Variants in CAMTA1 observed in about 807,000 individuals in gnomAD.
The protein encoded by CAMTA1 is calmodulin binding transcription activator 1.
Under a neutral mutation model 170.9 loss-of-function variants are expected in CAMTA1, and 27 were observed. The observed-to-expected ratio is 0.16, with a 90% CI of 0.12 to 0.22. The LOEUF (loss-of-function observed/expected upper bound fraction) is 0.22. Ranked by LOEUF, CAMTA1 falls within the 10% of genes least tolerant of loss-of-function variation. The pLI is 1.00. For missense variants in CAMTA1, 1,619 were observed against 2,217.2 expected (o/e 0.73, Z 5.42); for synonymous variants, 833 against 891.5 (o/e 0.93, Z 1.17).
chr1:7,499,288 G>A (rs1463578464), intron 6 of CAMTA1, among the ~76,000 whole-genome samples: 1 of 123,792 alleles, frequency 8.1e-6, no homozygotes, highest in African/African-American at 3.5e-5. Context: ...TGTGAGCCTG[G>A]TGTGCGTGTG....
chr1:7,145,004 C>T (rs1408041889), intron 4 of CAMTA1, among the ~76,000 whole-genome samples: 4 of 152,240 alleles, frequency 2.6e-5, no homozygotes, highest in Admixed American at 6.5e-5. Flanking sequence ...GACCTGGATT[C>T]GCTTTCTTCT....
At position 7,197,003 on chromosome 1, in the gene CAMTA1, CA is replaced by C. The variant is rs564255251; in HGVS notation, c.303-52487del. On this transcript the variant is annotated intron_variant, in intron 4 of 22. Coordinates refer to ENST00000303635, the MANE Select transcript of CAMTA1 (RefSeq NM_015215.4). Reference sequence around the variant, plus strand: ...AGAACTTTTATGATCTAACGTTAGTCATTTTTTTTCTAATTAAGAATTTTTA... The same window carrying C: ...AGAACTTTTATGATCTAACGTTAGTCTTTTTTTTCTAATTAAGAATTTTTA... Among the ~76,000 whole-genome samples the C allele has an allele frequency of 3.9e-5, 6 of 152,278 alleles. No individual in the cohort carries two copies. In the South Asian group the frequency reaches 1.0e-3, roughly 26 times the overall value.
intron 5 of CAMTA1, among the ~76,000 whole-genome samples, chr1:7,366,094 C>T (rs2085947014): frequency 6.6e-6 from 1 of 152,228 alleles, no homozygotes; most frequent in Non-Finnish European, 1.5e-5. Flanking sequence ...GTACTTGGCA[C>T]AGGGACTGGC....
chr1:7,145,512 G>A, intron 4 of CAMTA1, among the ~76,000 whole-genome samples: 1 of 152,200 alleles, frequency 6.6e-6, no homozygotes, highest in East Asian at 1.9e-4. Flanking sequence ...TACCAGAGAA[G>A]CCACTGGGCT....
At chr1:7,090,780 C>T (rs923933854) in intron 3 of CAMTA1, among the ~76,000 whole-genome samples, 2 of 152,128 alleles carry the variant, frequency 1.3e-5, no homozygotes, top group Non-Finnish European at 2.9e-5. Flanking sequence ...TAACTTATTT[C>T]TCCCCGTTTC....
chr1:7,748,111 C>A lies in CAMTA1; in HGVS notation c.4689+330C>A, dbSNP rs2096870213. On this transcript the variant is annotated intron_variant, in intron 19 of 22. Transcript: ENST00000303635. The surrounding 1 kb of genome is among the most constrained non-coding windows in gnomAD (Gnocchi z 4.7). ...TAGTTTTAGTAGAGTCGGGGTTTCACCATGTTGCCAGGCTGGTCTTGAACT... is the reference window on the plus strand; with the variant it reads ...TAGTTTTAGTAGAGTCGGGGTTTCAACATGTTGCCAGGCTGGTCTTGAACT... Among the ~76,000 whole-genome samples, 1 of 151,942 alleles carries A rather than the reference C, an allele frequency of 6.6e-6. No homozygotes were observed.
Position 7,144,104 on chromosome 1 carries a change from C to T in CAMTA1, c.302+52733C>T, listed in dbSNP as rs1646042506. On this transcript the variant is annotated intron_variant, in intron 4 of 22. Transcript: ENST00000303635. This position sits in a 1 kb window ranked among gnomAD's most constrained non-coding sequence, Gnocchi z 4.0. ...CAGACTGGGTGGCTTAAACAACAGA[C>T]ATTTATTTTCTTATGTTCTGGAGGC... Among the ~76,000 whole-genome samples the T allele has an allele frequency of 6.6e-6, 1 of 152,142 alleles. No individual in the cohort carries two copies. Among genetic ancestry groups the T allele is most frequent in the Non-Finnish European group, 1.5e-5 (1 of 68,036 alleles).
chr1:7,486,396 C>A (rs1422281485), intron 6 of CAMTA1, among the ~76,000 whole-genome samples: 1 of 152,214 alleles, frequency 6.6e-6, no homozygotes, highest in African/African-American at 2.4e-5. Flanking sequence ...CTCCAACAAC[C>A]CAGTCTTGTA....
At chr1:7,759,577 G>T (rs1487475070) in intron 22 of CAMTA1, among the ~76,000 whole-genome samples, 1 of 152,034 alleles carries the variant, frequency 6.6e-6, no homozygotes, top group Non-Finnish European at 1.5e-5. Flanking sequence ...GAGAACTTTT[G>T]TTCTACACAA....
At chr1:6,902,072 C>CACAAAAA (rs3986505) in intron 3 of CAMTA1, among the ~76,000 whole-genome samples, 134 of 88,438 alleles carry the variant, frequency 1.5e-3, no homozygotes, top group African/African-American at 3.1e-3. Context: ...CACACACACA[C>CACAAAAA]AAAAAAAAAA....
chr1:7,193,298 G>T (rs991507831), intron 4 of CAMTA1, among the ~76,000 whole-genome samples: 13 of 151,398 alleles, frequency 8.6e-5, no homozygotes, highest in African/African-American at 3.2e-4. Context: ...GCTGCAGTGA[G>T]CCGAGATTGC....
rs1300259144 is a variant in CAMTA1, at chr1:6,927,276, G to A, written c.234+102066G>A. On this transcript the variant is annotated intron_variant, in intron 3 of 22. Coordinates refer to ENST00000303635, the MANE Select transcript of CAMTA1 (RefSeq NM_015215.4). ...GATCTTGAACTGGCCTCAAGCAATC[G>A]ACCACGTCAGCCTCCCAACGCGCTG... Among the ~76,000 whole-genome samples, 9 of 152,118 alleles carry A rather than the reference G, an allele frequency of 5.9e-5. No individual in the cohort carries two copies. The South Asian group carries it at 6.2e-4, about 11-fold the overall frequency.
intron 5 of CAMTA1, among the ~76,000 whole-genome samples, chr1:7,289,509 G>A (rs975484855): frequency 3.9e-5 from 6 of 152,114 alleles, no homozygotes; most frequent in African/African-American, 2.4e-5. Context: ...GAGATGCCCC[G>A]GTTTGCACTC....
intron 4 of CAMTA1, among the ~76,000 whole-genome samples, chr1:7,245,469 C>T (rs547546032): frequency 1.3e-4 from 20 of 151,648 alleles, no homozygotes; most frequent in East Asian, 7.8e-4. Context: ...TATATATATA[C>T]GATATCTTTC....
intron 3 of CAMTA1, among the ~76,000 whole-genome samples, chr1:7,008,986 G>A (rs1475196909): frequency 6.6e-6 from 1 of 152,214 alleles, no homozygotes; most frequent in Admixed American, 6.5e-5. Flanking sequence ...GCATCTCCTG[G>A]GCCAGGAGTC....
intron 7 of CAMTA1, among the ~76,000 whole-genome samples, chr1:7,643,054 C>A (rs1223774131): frequency 1.3e-5 from 2 of 152,074 alleles, no homozygotes; most frequent in South Asian, 4.1e-4. Context: ...AAATTAGGGT[C>A]CTAAGTACTC....
At chr1:7,030,477 G>A (rs901235650) in intron 3 of CAMTA1, among the ~76,000 whole-genome samples, 4 of 152,124 alleles carry the variant, frequency 2.6e-5, no homozygotes, top group African/African-American at 9.7e-5. Flanking sequence ...AAGTTGTCAA[G>A]TTCACAATGG....
intron 5 of CAMTA1, among the ~76,000 whole-genome samples, chr1:7,336,908 G>A (rs1178969302): frequency 6.6e-6 from 1 of 152,166 alleles, no homozygotes; most frequent in African/African-American, 2.4e-5. Context: ...AGGAACTCAA[G>A]GCCAGCGGCC....
chr1:6,940,009 G>T (rs11120790), intron 3 of CAMTA1, among the ~76,000 whole-genome samples: 77,837 of 152,186 alleles, frequency 0.51, 20,596 homozygotes, highest in Non-Finnish European at 0.59. Context: ...ACAGCTCTAC[G>T]TGGCCACATG....
Sources: allele counts gnomAD v4.1 joint callset (sites outside exome capture counted in the v4.1 genomes callset), GRCh38; gene constraint gnomAD v4.1.1; non-coding constraint Gnocchi (gnomAD v3.1); transcripts MANE v1.5; gene names NCBI Gene and HGNC (gene_info 2026-07-23, HGNC 2026-07-21).